ATP8A1: variants seen among roughly 807,000 people sequenced by gnomAD.
The protein encoded by ATP8A1 is ATPase phospholipid transporting 8A1.
ATP8A1 carries 90 observed loss-of-function variants against 177.7 expected under a neutral mutation model. The observed-to-expected ratio is 0.51, with a 90% CI of 0.43 to 0.60. The LOEUF (loss-of-function observed/expected upper bound fraction) is 0.60, where lower values mean the gene tolerates loss of function less well. Ranked by LOEUF, ATP8A1 falls within the 20% of genes least tolerant of loss-of-function variation. The pLI, the probability that ATP8A1 is intolerant of heterozygous loss-of-function variation, is 0.00. For synonymous variants in ATP8A1, 493 were observed against 485.9 expected, an observed-to-expected ratio of 1.01 and a Z score of -0.19; for missense variants, 1,072 against 1,392.8, an observed-to-expected ratio of 0.77 and a Z score of 3.67.
At chr4:42,513,969 G>C (rs368796536) in intron 22 of ATP8A1, among the ~76,000 whole-genome samples, 3 of 152,188 alleles carry the variant, frequency 2.0e-5, no homozygotes, top group East Asian at 3.9e-4. Context: ...GAGGTTGCTG[G>C]GCTCCTCTGT....
intron 33 of ATP8A1, among the ~76,000 whole-genome samples, chr4:42,435,428 AAAAAAAAAAAAAAAAAAAAAAC>A (rs1222765276): frequency 1.4e-5 from 1 of 69,262 alleles, no homozygotes; most frequent in African/African-American, 7.0e-5. Context: ...CTTCATCTCA[AAAAAAAAAAAAAAAAAAAAAAC>A]AAAAAAAAAA....
intron 1 of ATP8A1, among the ~76,000 whole-genome samples, chr4:42,630,582 A>G (rs544936260): frequency 1.2e-4 from 18 of 152,212 alleles, no homozygotes; most frequent in Non-Finnish European, 2.4e-4. Context: ...ACGCATCTTA[A>G]TCATGCTCTT....
At chr4:42,640,213 TAAAG>T (rs1220956096) in intron 1 of ATP8A1, among the ~76,000 whole-genome samples, 1 of 152,214 alleles carries the variant, frequency 6.6e-6, no homozygotes, top group Non-Finnish European at 1.5e-5. Flanking sequence ...CCACTGCTTC[TAAAG>T]GATTTTTGGG....
chr4:42,455,701 CATATT>C (rs1205092169), intron 27 of ATP8A1, 102 bp from the exon 28 acceptor site: 2 of 971,576 alleles, frequency 2.1e-6, no homozygotes, highest in African/African-American at 3.3e-5. Flanking sequence ...GCAGCATTAA[CATATT>C]ATACTCATGA....
intron 15 of ATP8A1, among the ~76,000 whole-genome samples, chr4:42,558,712 C>G (rs1440430238): frequency 1.3e-5 from 2 of 151,780 alleles, no homozygotes; most frequent in Admixed American, 1.3e-4. Flanking sequence ...ACCTTGTAAA[C>G]CAAAATAAAC....
At chr4:42,413,486 C>CT (rs1712858620) in intron 36 of ATP8A1, among the ~76,000 whole-genome samples, 1 of 152,146 alleles carries the variant, frequency 6.6e-6, no homozygotes. Flanking sequence ...GTGGGAATGG[C>CT]TTCAGGGACC....
chr4:42,592,502 C>G (rs577504080), intron 6 of ATP8A1, among the ~76,000 whole-genome samples: 5 of 151,782 alleles, frequency 3.3e-5, no homozygotes, highest in African/African-American at 1.2e-4. Context: ...TTGTATTTAA[C>G]GGTTCAGCCT....
intron 9 of ATP8A1, among the ~76,000 whole-genome samples, chr4:42,582,121 G>A (rs563284143): frequency 1.3e-5 from 2 of 152,224 alleles, no homozygotes; most frequent in East Asian, 1.9e-4. Flanking sequence ...AAAGACACTC[G>A]AGGAGTTTAC....
chr4:42,495,229 T>C (rs745626123), intron 24 of ATP8A1, among the ~76,000 whole-genome samples: 15 of 152,226 alleles, frequency 9.9e-5, no homozygotes, highest in Non-Finnish European at 1.5e-4. Context: ...AACGGAACAT[T>C]CTAGAAACAT....
At chr4:42,598,033 C>G (rs1000143563) in intron 6 of ATP8A1, among the ~76,000 whole-genome samples, 2 of 152,024 alleles carry the variant, frequency 1.3e-5, no homozygotes, top group Admixed American at 6.6e-5. Context: ...TTTCACATAG[C>G]CTGCCTACTT....
At chr4:42,609,036 C>T (rs1736107443) in intron 5 of ATP8A1, among the ~76,000 whole-genome samples, 1 of 152,158 alleles carries the variant, frequency 6.6e-6, no homozygotes, top group Non-Finnish European at 1.5e-5. Context: ...CCATTAGTGT[C>T]CACTGACACA....
At chr4:42,415,501 T>C (rs1311517717) in intron 35 of ATP8A1, among the ~76,000 whole-genome samples, 3 of 152,208 alleles carry the variant, frequency 2.0e-5, no homozygotes, top group African/African-American at 7.2e-5. Context: ...CAAATATTTG[T>C]TGAATACGTG....
At chr4:42,447,017 A>G (rs143988034) in intron 30 of ATP8A1, among the ~76,000 whole-genome samples, 56 of 152,324 alleles carry the variant, frequency 3.7e-4, no homozygotes, top group African/African-American at 1.3e-3. Context: ...ATCTCTCAAT[A>G]AAGTTGTTGG....
intron 31 of ATP8A1, among the ~76,000 whole-genome samples, chr4:42,446,225 C>T (rs901880188): frequency 3.8e-4 from 58 of 152,144 alleles, no homozygotes; most frequent in African/African-American, 1.1e-3. Flanking sequence ...GCTCTGCTTT[C>T]GCATTCATGT....
intron 19 of ATP8A1, among the ~76,000 whole-genome samples, chr4:42,547,262 C>T (rs566558614): frequency 2.6e-5 from 4 of 152,326 alleles, no homozygotes; most frequent in South Asian, 2.1e-4. Flanking sequence ...TTCCTCGTTT[C>T]GCCTTCTACT....
chr4:42,578,322 G>T lies in ATP8A1; in HGVS notation c.1066C>A (p.Pro356Thr). 2 of 1,612,498 alleles carry T rather than the reference G, an allele frequency of 1.2e-6. No individual in the cohort carries two copies. The highest frequency in any genetic ancestry group is 8.5e-7 in the Non-Finnish European group (1 of 1,178,996). The change falls in exon 12 of 37, where the codon CCT (proline) becomes ACT (threonine). Residue 356 changes from proline to threonine, a missense_variant. This residue lies in a region of ATP8A1 where 20 missense variants were observed against 51.3 expected (regional missense o/e 0.39). Transcript: ENST00000381668. ...TFIILFNNLI[P>T]ISLLVTLEVV... ...TCTAATGTAACCAATAAGCTGATAG[G>T]AATGAGATTGTTGAAAAGGATGATG...
At chr4:42,507,939 T>C (rs1234612080) in intron 22 of ATP8A1, among the ~76,000 whole-genome samples, 1 of 151,946 alleles carries the variant, frequency 6.6e-6, no homozygotes, top group Non-Finnish European at 1.5e-5. Flanking sequence ...TATACACAAT[T>C]AGAAACCAAG....
At position 42,580,107 on chromosome 4, in the gene ATP8A1, T is replaced by C. The variant is rs1041471962; in HGVS notation, c.835-129A>G. Reference sequence around the variant, plus strand: ...GATGTGGGTGGATACGTGAAAATTATGTGAAACCCATGACAAATGTAATAA... The same window carrying C: ...GATGTGGGTGGATACGTGAAAATTACGTGAAACCCATGACAAATGTAATAA... On this transcript the variant is annotated intron_variant, in intron 10 of 36. Coordinates refer to ENST00000381668, the MANE Select transcript of ATP8A1 (RefSeq NM_006095.2). The C allele has an allele frequency of 1.4e-5, 10 of 714,894 alleles. No individual in the cohort carries two copies. In the African/African-American group the frequency reaches 1.5e-4, roughly 11 times the overall value. 44.3% of individuals were successfully genotyped at this position (714,894 alleles called of 1,614,324 possible). A position where few individuals can be genotyped will look rare whatever the true frequency, so the allele number is the denominator to read the frequency against.
rs71648737 is a variant in ATP8A1 at position 42,596,666 on chromosome 4, C to CAAA, written c.450+3809_450+3811dup. Among the ~76,000 whole-genome samples the CAAA allele has an allele frequency of 3.6e-3, 269 of 73,928 alleles. 1 individual carries two copies. The highest frequency in any genetic ancestry group is 7.3e-3 in the African/African-American group (144 of 19,830). 48.5% of individuals were successfully genotyped at this position (73,928 alleles called of 152,430 possible). ...TGGGCAACAGAGCGAGACTCCATCT[C>CAAA]AAAAAAAAAAAAAAAAAAGAAAAGA... On this transcript the variant is annotated intron_variant, in intron 6 of 36. Coordinates refer to ENST00000381668, the MANE Select transcript of ATP8A1 (RefSeq NM_006095.2).
Sources: allele counts gnomAD v4.1 joint callset (sites outside exome capture counted in the v4.1 genomes callset), GRCh38; gene constraint gnomAD v4.1.1; regional missense constraint gnomAD v4.1.1; transcripts MANE v1.5; gene names NCBI Gene and HGNC (gene_info 2026-07-23, HGNC 2026-07-21).